The following MTMR7 variants were observed in gnomAD, a reference collection of about 807,000 sequenced individuals.
The protein encoded by MTMR7 is phosphatidylinositol-3-phosphate phosphatase MTMR7.
Under a neutral mutation model 81.2 loss-of-function variants are expected in MTMR7, and 76 were observed. The observed-to-expected ratio is 0.94, with a 90% CI of 0.78 to 1.13. The LOEUF (loss-of-function observed/expected upper bound fraction) is 1.13, where lower values mean the gene tolerates loss of function less well. MTMR7 is among the 50% of genes most tolerant of loss of function. MTMR7 has a pLI of 0.00. For missense variants in MTMR7, 1,044 were observed against 820.0 expected (o/e 1.27, Z -3.34); for synonymous variants, 372 against 289.8 (o/e 1.28, Z -2.88).
At position 17,298,650 on chromosome 8, in the gene MTMR7, C is replaced by T. The variant is rs1190375877; in HGVS notation, c.*1212G>A. 1 of 152,472 alleles carries T rather than the reference C, an allele frequency of 6.6e-6. No homozygotes were observed. The highest frequency in any genetic ancestry group is 1.5e-5 in the Non-Finnish European group (1 of 67,962). The allele number at this position is 152,472 out of a possible 1,614,324, so 9.4% of individuals were successfully genotyped here. On this transcript the variant is annotated 3_prime_UTR_variant, in exon 14 of 14. Coordinates refer to ENST00000180173, the MANE Select transcript of MTMR7 (RefSeq NM_004686.5). ...TAAATTGTAAAGTTTAATCCTTTTA[C>T]ATTCTAGAATGTACTAATATATTAA...
chr8:17,354,227 G>A (rs1277658917), intron 4 of MTMR7, among the ~76,000 whole-genome samples: 1 of 152,098 alleles, frequency 6.6e-6, no homozygotes, highest in South Asian at 2.1e-4. Flanking sequence ...GGAGAAGGAG[G>A]AGGTTATGAA....
chr8:17,303,606 C>T (rs887464153), intron 12 of MTMR7, among the ~76,000 whole-genome samples: 6 of 111,038 alleles, frequency 5.4e-5, no homozygotes, highest in African/African-American at 2.6e-4. Flanking sequence ...CCCATACATA[C>T]AATCTTTTTT....
chr8:17,308,049 AAAAAT>A (rs1440740648), intron 10 of MTMR7, among the ~76,000 whole-genome samples: 1 of 118,526 alleles, frequency 8.4e-6, no homozygotes, highest in Non-Finnish European at 1.7e-5. Flanking sequence ...AATAAAATTA[AAAAAT>A]AAAAATAAAA....
chr8:17,404,395 T>C (rs1240695529), intron 1 of MTMR7, among the ~76,000 whole-genome samples: 1 of 152,162 alleles, frequency 6.6e-6, no homozygotes, highest in East Asian at 1.9e-4. Flanking sequence ...GTTTGGGACA[T>C]AGTGAAATTG....
intron 7 of MTMR7, among the ~76,000 whole-genome samples, chr8:17,328,002 C>T (rs1250615908): frequency 3.9e-5 from 6 of 152,098 alleles, no homozygotes; most frequent in African/African-American, 9.7e-5. Context: ...AGCAGTTGCT[C>T]AATTTTTAGT....
At chr8:17,314,305 A>G (rs1458679723) in intron 7 of MTMR7, among the ~76,000 whole-genome samples, 1 of 152,164 alleles carries the variant, frequency 6.6e-6, no homozygotes, top group Non-Finnish European at 1.5e-5. Context: ...GTTCTCTGTG[A>G]TGCAGTAAAC....
At chr8:17,412,382 C>A (rs1259582780) in intron 1 of MTMR7, among the ~76,000 whole-genome samples, 1 of 152,154 alleles carries the variant, frequency 6.6e-6, no homozygotes, top group Non-Finnish European at 1.5e-5. Context: ...CCTGCAAAAA[C>A]GCAAGGAGCT....
At chr8:17,373,065 T>G (rs1820467649) in intron 2 of MTMR7, 53 bp downstream of exon 2, 1 of 1,600,556 alleles carries the variant, frequency 6.2e-7, no homozygotes, top group Non-Finnish European at 8.5e-7. Context: ...GGGCAAACAC[T>G]TTTTGCTTCA....
At chr8:17,340,253 C>G (rs1819365806) in intron 6 of MTMR7, among the ~76,000 whole-genome samples, 1 of 152,170 alleles carries the variant, frequency 6.6e-6, no homozygotes, top group Non-Finnish European at 1.5e-5. Flanking sequence ...GCGCCCAGCC[C>G]CAATTCTTTT....
At chr8:17,309,672 G>A (rs555423494) in intron 9 of MTMR7, among the ~76,000 whole-genome samples, 3 of 152,316 alleles carry the variant, frequency 2.0e-5, no homozygotes, top group Non-Finnish European at 4.4e-5. Flanking sequence ...CCGAAGGAAA[G>A]AGGTTTCATA....
Position 17,298,025 on chromosome 8 carries a change from G to C in MTMR7, c.*1837C>G, listed in dbSNP as rs1453594148. 3.3e-5 allele frequency: 5 copies of C among 151,986 alleles called. No individual in the cohort carries two copies. The highest frequency in any genetic ancestry group is 1.2e-4 in the African/African-American group (5 of 41,420). 9.4% of individuals were successfully genotyped at this position (151,986 alleles called of 1,614,324 possible). On this transcript the variant is annotated 3_prime_UTR_variant, in exon 14 of 14. Transcript: ENST00000180173. ...TAAAAGCATAGTGCTGTTTGGCATA[G>C]ATACTTTGTCATTTTTTAAAAAATG...
intron 1 of MTMR7, among the ~76,000 whole-genome samples, chr8:17,397,566 G>A (rs898370196): frequency 1.3e-5 from 2 of 152,102 alleles, no homozygotes; most frequent in African/African-American, 4.8e-5. Context: ...AATATAACAT[G>A]AGGTACGTTT....
rs561930658 is a variant in MTMR7, at chr8:17,373,029, T to C, written c.147+89A>G. 10 of 1,519,506 alleles carry C rather than the reference T, an allele frequency of 6.6e-6. No individual in the cohort carries two copies. In the African/African-American group the frequency reaches 1.4e-4, roughly 21 times the overall value. The allele number at this position is 1,519,506 out of a possible 1,614,324, so 94.1% of individuals were successfully genotyped here. A position where few individuals can be genotyped will look rare whatever the true frequency, so the allele number is the denominator to read the frequency against. On this transcript the variant is annotated intron_variant, in intron 2 of 13. Coordinates refer to ENST00000180173, the MANE Select transcript of MTMR7 (RefSeq NM_004686.5). ...ACATCCAGGCACAAAAGCCCACCCA[T>C]CTCACCCTGAGGAAAAATGAATGGA...
intron 6 of MTMR7, among the ~76,000 whole-genome samples, 165 bp downstream of exon 6, chr8:17,341,198 C>G (rs905523227): frequency 6.6e-6 from 1 of 152,188 alleles, no homozygotes; most frequent in African/African-American, 2.4e-5. Context: ...TGCACTAGAC[C>G]TCCAGGAAGT....
At chr8:17,400,717 G>T (rs958073586) in intron 1 of MTMR7, among the ~76,000 whole-genome samples, 3 of 152,168 alleles carry the variant, frequency 2.0e-5, no homozygotes, top group Non-Finnish European at 2.9e-5. Flanking sequence ...TGTTGAGGAG[G>T]TAGTCACTGT....
At chr8:17,388,043 T>C (rs1821003101) in intron 1 of MTMR7, among the ~76,000 whole-genome samples, 1 of 152,176 alleles carries the variant, frequency 6.6e-6, no homozygotes, top group Non-Finnish European at 1.5e-5. Context: ...ATAGAAATTC[T>C]TAGAAAAGGC....
chr8:17,327,189 T>C (rs1182480174), intron 7 of MTMR7, among the ~76,000 whole-genome samples: 1 of 152,224 alleles, frequency 6.6e-6, no homozygotes, highest in Non-Finnish European at 1.5e-5. Flanking sequence ...AATTAATCAG[T>C]CTACTACTGT....
At chr8:17,381,473 A>G (rs1344401261) in intron 1 of MTMR7, among the ~76,000 whole-genome samples, 2 of 152,092 alleles carry the variant, frequency 1.3e-5, no homozygotes, top group Non-Finnish European at 2.9e-5. Context: ...TGCAGGTCAA[A>G]TATTGAAGTG....
chr8:17,306,389 TG>T lies in MTMR7; in HGVS notation c.1152-433del, dbSNP rs1425283716. On this transcript the variant is annotated intron_variant, in intron 10 of 13. Coordinates refer to ENST00000180173, the MANE Select transcript of MTMR7 (RefSeq NM_004686.5). Reference sequence around the variant, plus strand: ...GGAAGGGATGAGGAAAAAGACAACTTGAAAAAAAAAAATAGTGGTTTCCCAA... The same window carrying T: ...GGAAGGGATGAGGAAAAAGACAACTTAAAAAAAAAAATAGTGGTTTCCCAA... Among the ~76,000 whole-genome samples, 6 of 150,824 alleles carry T rather than the reference TG, an allele frequency of 4.0e-5. No individual in the cohort carries two copies. The East Asian group carries it at 1.2e-3, about 29-fold the overall frequency.
Sources: allele counts gnomAD v4.1 joint callset (sites outside exome capture counted in the v4.1 genomes callset), GRCh38; gene constraint gnomAD v4.1.1; transcripts MANE v1.5; gene names NCBI Gene and HGNC (gene_info 2026-07-23, HGNC 2026-07-21).